Variants in MMS19 observed in about 807,000 individuals in gnomAD.
MMS19 encodes MMS19 nucleotide excision repair protein homolog.
MMS19 carries 77 observed loss-of-function variants against 129.8 expected under a neutral mutation model. The observed-to-expected ratio is 0.59, with a 90% CI of 0.49 to 0.72. MMS19 has a LOEUF of 0.72. Ranked by LOEUF, MMS19 falls within the 30% of genes least tolerant of loss-of-function variation. The probability of loss-of-function intolerance (pLI) is 0.00; values close to 1 mark genes in which losing one functional copy is unlikely to be tolerated. For missense variants in MMS19, 1,168 were observed against 1,266.3 expected, an observed-to-expected ratio of 0.92 and a Z score of 1.18; for synonymous variants, 491 against 502.8, an observed-to-expected ratio of 0.98 and a Z score of 0.31.
At chr10:97,493,216 G>C (rs1450629148) in intron 1 of MMS19, among the ~76,000 whole-genome samples, 1 of 152,124 alleles carries the variant, frequency 6.6e-6, no homozygotes, top group Non-Finnish European at 1.5e-5. Flanking sequence ...TCACTATACT[G>C]TACAGGCTGG....
At chr10:97,477,732 T>C (rs2036012358) in intron 5 of MMS19, 123 bp downstream of exon 5, 1 of 729,200 alleles carries the variant, frequency 1.4e-6, no homozygotes, top group Non-Finnish European at 2.3e-6. Context: ...AAGAAGAGCA[T>C]AAAAACATTC....
intron 1 of MMS19, among the ~76,000 whole-genome samples, chr10:97,497,431 T>C (rs2039999309): frequency 6.6e-6 from 1 of 152,120 alleles, no homozygotes; most frequent in Non-Finnish European, 1.5e-5. Flanking sequence ...ATTTCCAAAG[T>C]TTTTTTAAAA....
chr10:97,487,323 T>C (rs2038080443), intron 1 of MMS19, among the ~76,000 whole-genome samples: 1 of 78,306 alleles, frequency 1.3e-5, no homozygotes, highest in Non-Finnish European at 2.8e-5. Context: ...AATTTCTTTT[T>C]TTTTTTTTTT....
chr10:97,498,788 G>C (rs991110249), upstream of MMS19: 2 of 274,430 alleles, frequency 7.3e-6, no homozygotes, highest in Non-Finnish European at 1.4e-5. Context: ...GCGGCGGCGC[G>C]GGCACCGCGA....
upstream of MMS19, chr10:97,498,566 A>C (rs868199414): frequency 2.7e-5 from 19 of 696,208 alleles, no homozygotes; most frequent in Middle Eastern, 4.3e-3. Flanking sequence ...GGGCGGTGGC[A>C]CCGAGAGGGA....
At chr10:97,471,913 T>C (rs2034790266) in intron 8 of MMS19, among the ~76,000 whole-genome samples, 1 of 151,886 alleles carries the variant, frequency 6.6e-6, no homozygotes, top group Admixed American at 6.6e-5. Context: ...AAACAAAAGG[T>C]CAGAAAATCA....
At chr10:97,482,539 G>A (rs1307976570) in intron 2 of MMS19, among the ~76,000 whole-genome samples, 1 of 151,924 alleles carries the variant, frequency 6.6e-6, no homozygotes, top group Non-Finnish European at 1.5e-5. Context: ...AAGAGGGAAG[G>A]GGAAATGACT....
chr10:97,461,263 A>G (rs2133301149), intron 23 of MMS19: 1 of 614,776 alleles, frequency 1.6e-6, no homozygotes, highest in South Asian at 2.0e-5. Context: ...TGTAGGGAGT[A>G]GGACGGCAGA....
At position 97,497,596 on chromosome 10, in the gene MMS19, G is replaced by A. The variant is rs566898827; in HGVS notation, c.112+677C>T. 1.0e-3 allele frequency among the ~76,000 whole-genome samples: 156 copies of A among 151,886 alleles called. 1 individual carries two copies. Among genetic ancestry groups the A allele is most frequent in the African/African-American group, 3.7e-3 (155 of 41,436 alleles). The stretch of plus-strand genomic sequence containing the variant: ...TGGAAATCGTTTTATTCTAATTTTA[G>A]ATAAGCTGTCTGAACTAAGAGATCT... On this transcript the variant is annotated intron_variant, in intron 1 of 30. Coordinates refer to ENST00000438925, the MANE Select transcript of MMS19 (RefSeq NM_022362.5).
chr10:97,463,963 T>G lies in MMS19; in HGVS notation c.1807A>C (p.Arg603=). 1.2e-6 allele frequency: 2 copies of G among 1,612,994 alleles called. No individual in the cohort carries two copies. Among genetic ancestry groups the G allele is most frequent in the Non-Finnish European group, 1.7e-6 (2 of 1,179,346 alleles). Residue 603 remains arginine (R), a synonymous_variant, in exon 19 of 31, where the codon AGA becomes CGA. Transcript: ENST00000438925. The part of the protein sequence containing the change: ...SDVIAVCQSL[R]QMAEKCQQDP... Reference sequence around the variant, plus strand: ...TGCTGACATTTTTCTGCCATCTGTCTGAGGCTCTGACAGACAGCAATAACG... The same window carrying G: ...TGCTGACATTTTTCTGCCATCTGTCGGAGGCTCTGACAGACAGCAATAACG...
chr10:97,497,338 C>T (rs2039986896), intron 1 of MMS19, among the ~76,000 whole-genome samples: 1 of 152,158 alleles, frequency 6.6e-6, no homozygotes, highest in African/African-American at 2.4e-5. Flanking sequence ...AGCAGATTCA[C>T]TATTCTTTTC....
At chr10:97,488,181 C>T (rs368288208) in intron 1 of MMS19, among the ~76,000 whole-genome samples, 2 of 152,090 alleles carry the variant, frequency 1.3e-5, no homozygotes, top group East Asian at 1.9e-4. Flanking sequence ...CAAGTATGTA[C>T]GAAAAGGTGC....
intron 8 of MMS19, among the ~76,000 whole-genome samples, chr10:97,475,213 T>A (rs1428014229): frequency 4.0e-5 from 2 of 49,484 alleles, no homozygotes; most frequent in Admixed American, 4.0e-4. Flanking sequence ...ACAGGAGAAG[T>A]GTGTGTGTGT....
In MMS19 at chr10:97,465,706, T is replaced by C. The variant is rs2133365511; in HGVS notation, c.1756+99A>G. Reference sequence around the variant, plus strand: ...TTTTTTTTTCTTTTAAAAGAGTTGATTCTGTTACTCTTATGTATAGCTACA... The same window carrying C: ...TTTTTTTTTCTTTTAAAAGAGTTGACTCTGTTACTCTTATGTATAGCTACA... On this transcript the variant is annotated intron_variant, in intron 18 of 30. Transcript: ENST00000438925. The C allele has an allele frequency of 3.3e-6, 4 of 1,194,346 alleles. No individual in the cohort carries two copies. The South Asian group carries it at 5.9e-5, about 18-fold the overall frequency. 74.0% of individuals were successfully genotyped at this position (1,194,346 alleles called of 1,614,324 possible).
intron 2 of MMS19, among the ~76,000 whole-genome samples, chr10:97,482,301 T>C (rs929498640): frequency 6.6e-6 from 1 of 152,212 alleles, no homozygotes; most frequent in Admixed American, 6.5e-5. Flanking sequence ...GTCCGTCCAC[T>C]GATAAATGAT....
At chr10:97,494,577 G>T (rs985483462) in intron 1 of MMS19, among the ~76,000 whole-genome samples, 8 of 152,026 alleles carry the variant, frequency 5.3e-5, no homozygotes, top group Non-Finnish European at 8.8e-5. Context: ...AAGGAATAGA[G>T]GTATTCTTAG....
intron 3 of MMS19, among the ~76,000 whole-genome samples, chr10:97,480,601 A>G (rs2036609259): frequency 6.6e-6 from 1 of 152,038 alleles, no homozygotes; most frequent in South Asian, 2.1e-4. Context: ...TTCTTTTTTG[A>G]GATGGAGTCC....
intron 8 of MMS19, among the ~76,000 whole-genome samples, chr10:97,471,625 C>G (rs2034718065): frequency 6.6e-6 from 1 of 152,064 alleles, no homozygotes; most frequent in Admixed American, 6.5e-5. Context: ...ATTCTCATGT[C>G]TCAACCTCCC....
intron 6 of MMS19, 174 bp from the exon 7 acceptor site, chr10:97,477,137 C>A: frequency 6.7e-7 from 1 of 1,482,564 alleles, no homozygotes. Context: ...ATACACATTG[C>A]TGTGGAGGCA....
Sources: allele counts gnomAD v4.1 joint callset (sites outside exome capture counted in the v4.1 genomes callset), GRCh38; gene constraint gnomAD v4.1.1; transcripts MANE v1.5; gene names NCBI Gene and HGNC (gene_info 2026-07-23, HGNC 2026-07-21).